The following RFX2 variants were observed in gnomAD, a reference collection of about 807,000 sequenced individuals.
The protein encoded by RFX2 is regulatory factor X2, also known as DNA-binding protein RFX2.
In RFX2, 20 loss-of-function variants were observed where a neutral mutation model predicts 87.8. The ratio of observed to expected loss-of-function variants is 0.23; its 90% confidence interval spans 0.16 to 0.33. The LOEUF is 0.33. Among genes scored for constraint, RFX2 ranks in the 10% least tolerant of loss-of-function variants. The pLI is 1.00. For synonymous variants in RFX2, 397 were observed against 431.3 expected (o/e 0.92, Z 0.98); for missense variants, 767 against 1,012.3 (o/e 0.76, Z 3.29).
chr19:5,997,040 C>T lies in RFX2; in HGVS notation c.2013+20G>A. On this transcript the variant is annotated intron_variant, in intron 16 of 17. Transcript: ENST00000303657. The surrounding 1 kb of genome is among the most constrained non-coding windows in gnomAD (Gnocchi z 4.2). ...CAGGCCCGGCCAAGCCCCGGCCGTCCCACCCAGGAGGGTCCTCACCTCTCC... is the reference window on the plus strand; with the variant it reads ...CAGGCCCGGCCAAGCCCCGGCCGTCTCACCCAGGAGGGTCCTCACCTCTCC... 1.3e-6 allele frequency: 2 copies of T among 1,599,048 alleles called. No homozygotes were observed. Among genetic ancestry groups the T allele is most frequent in the Non-Finnish European group, 1.7e-6 (2 of 1,174,430 alleles).
At chr19:6,032,533 G>C (rs1025280151) in intron 5 of RFX2, among the ~76,000 whole-genome samples, 8 of 152,226 alleles carry the variant, frequency 5.3e-5, no homozygotes, top group African/African-American at 1.9e-4. Flanking sequence ...AAAGCCCAAC[G>C]CTGTGGTCCA....
At chr19:6,048,905 C>G (rs1487457863) in intron 1 of RFX2, among the ~76,000 whole-genome samples, 1 of 146,388 alleles carries the variant, frequency 6.8e-6, no homozygotes, top group Non-Finnish European at 1.5e-5. Context: ...CAAACGCCTT[C>G]GATGCCACCC....
intron 1 of RFX2, among the ~76,000 whole-genome samples, chr19:6,105,505 G>T (rs2088203005): frequency 6.6e-6 from 1 of 152,118 alleles, no homozygotes; most frequent in Non-Finnish European, 1.5e-5. Context: ...GGTGACTTTG[G>T]CTTTTGCTGC....
rs1186676184 is a variant in RFX2, at chr19:6,007,297, T to C, written c.1248-131A>G. On this transcript the variant is annotated intron_variant, in intron 11 of 17. Coordinates refer to ENST00000303657, the MANE Select transcript of RFX2 (RefSeq NM_000635.4). The surrounding 1 kb of genome is among the most constrained non-coding windows in gnomAD (Gnocchi z 8.2). ...GGGCTGGGGTTTTGCTCCCCATCCC[T>C]GAGCCTCGATGGGTCCCCTCCCTCC... 2.3e-5 allele frequency: 20 copies of C among 854,758 alleles called. No homozygotes were observed. The highest frequency in any genetic ancestry group is 2.2e-4 in the African/African-American group (13 of 58,830). The allele number at this position is 854,758 out of a possible 1,614,324, so 52.9% of individuals were successfully genotyped here. A position where few individuals can be genotyped will look rare whatever the true frequency, so the allele number is the denominator to read the frequency against.
intron 1 of RFX2, chr19:6,073,598 AAAAAT>A: frequency 3.2e-6 from 1 of 311,392 alleles, no homozygotes; most frequent in Non-Finnish European, 5.9e-6. Flanking sequence ...TATAAAAACA[AAAAAT>A]AAATATTTGA....
rs564495547 is a variant in RFX2 at position 6,070,318 on chromosome 19, C to T, written c.-8-22814G>A. ...AGGGCTAGGTGCATGGATATGCATC[C>T]ACCAGTACAGGAGAGAAGACAGAGT... is the stretch of plus-strand genomic sequence containing the variant. On this transcript the variant is annotated intron_variant, in intron 1 of 17. Transcript: ENST00000303657. Among the ~76,000 whole-genome samples the T allele has an allele frequency of 1.7e-4, 24 of 139,702 alleles. No individual in the cohort carries two copies. In the South Asian group the frequency reaches 5.2e-3, roughly 30 times the overall value. 91.6% of individuals were successfully genotyped at this position (139,702 alleles called of 152,430 possible).
chr19:6,022,712 G>A lies in RFX2; in HGVS notation c.597+3451C>T, dbSNP rs1262513463. On this transcript the variant is annotated intron_variant, in intron 6 of 17. Coordinates refer to ENST00000303657, the MANE Select transcript of RFX2 (RefSeq NM_000635.4). The surrounding 1 kb of genome is among the most constrained non-coding windows in gnomAD (Gnocchi z 6.2). Reference sequence around the variant, plus strand: ...CCCTTTTCCAGTTTGGACACTGCTAGGGGGCCTCCTCCTCCCTGGGAGTTT... The same window carrying A: ...CCCTTTTCCAGTTTGGACACTGCTAAGGGGCCTCCTCCTCCCTGGGAGTTT... Among the ~76,000 whole-genome samples the A allele has an allele frequency of 2.6e-5, 4 of 152,216 alleles. No homozygotes were observed. Among genetic ancestry groups the A allele is most frequent in the Admixed American group, 2.6e-4 (4 of 15,292 alleles).
chr19:6,025,366 G>A (rs973733147), intron 6 of RFX2, among the ~76,000 whole-genome samples: 8 of 152,082 alleles, frequency 5.3e-5, no homozygotes, highest in Non-Finnish European at 1.0e-4. Flanking sequence ...AATCCTAGAC[G>A]CTAAAATCTG....
At position 6,043,831 on chromosome 19, in the gene RFX2, C is replaced by T. The variant is rs149578772; in HGVS notation, c.180+362G>A. Among the ~76,000 whole-genome samples, 27 of 152,262 alleles carry T rather than the reference C, an allele frequency of 1.8e-4. No homozygotes were observed. In the East Asian group the frequency reaches 4.8e-3, roughly 27 times the overall value. On this transcript the variant is annotated intron_variant, in intron 3 of 17. Coordinates refer to ENST00000303657, the MANE Select transcript of RFX2 (RefSeq NM_000635.4). ...TAAGAAGCATTTCCTCTGTTGTGCC[C>T]GCATCTGAGGGTATGGCACTCACTA...
chr19:6,053,001 A>C (rs535389429), intron 1 of RFX2, among the ~76,000 whole-genome samples: 26 of 152,276 alleles, frequency 1.7e-4, no homozygotes, highest in Non-Finnish European at 3.7e-4. Flanking sequence ...GAAAGATTTA[A>C]GAACGTTTTC....
Position 6,004,181 on chromosome 19 carries a change from A to G in RFX2, c.1500+20T>C, listed in dbSNP as rs766194490. Reference sequence around the variant, plus strand: ...CCTCCCAGCCATCGTTGGGGAGCCCAGGCCCCACCCCGGACGCACCTTGGT... The same window carrying G: ...CCTCCCAGCCATCGTTGGGGAGCCCGGGCCCCACCCCGGACGCACCTTGGT... On this transcript the variant is annotated intron_variant, in intron 13 of 17. Transcript: ENST00000303657. The surrounding 1 kb of genome is among the most constrained non-coding windows in gnomAD (Gnocchi z 4.8). The G allele has an allele frequency of 6.3e-7, 1 of 1,594,722 alleles. No individual in the cohort carries two copies. Among genetic ancestry groups the G allele is most frequent in the Non-Finnish European group, 8.6e-7 (1 of 1,162,304 alleles).
rs944424361 is a variant in RFX2 at position 6,017,702 on chromosome 19, C to G, written c.598-1431G>C. Among the ~76,000 whole-genome samples the G allele has an allele frequency of 6.6e-6, 1 of 152,120 alleles. No homozygotes were observed. The highest frequency in any genetic ancestry group is 1.5e-5 in the Non-Finnish European group (1 of 68,020). On this transcript the variant is annotated intron_variant, in intron 6 of 17. Coordinates refer to ENST00000303657, the MANE Select transcript of RFX2 (RefSeq NM_000635.4). This position sits in a 1 kb window ranked among gnomAD's most constrained non-coding sequence, Gnocchi z 4.1. ...TCCGAAGGGCTCCTGCTGCCTGGGC[C>G]CTTCAGAGTGGGCAGTGCTGGGTCC...
At chr19:5,996,443 G>A (rs908251034) in intron 16 of RFX2, among the ~76,000 whole-genome samples, 1 of 152,164 alleles carries the variant, frequency 6.6e-6, no homozygotes, top group Non-Finnish European at 1.5e-5. Context: ...CGTGACAGAC[G>A]CCGGACACAA....
Position 6,007,096 on chromosome 19 carries a change from G to T in RFX2, c.1318C>A (p.Leu440Ile). ...TGGTCGCAGCTCCTCATCCACCTGA[G>T]GATGGGGTCGCACTGACACAGGGAG... The part of the protein sequence containing the change: ...LISLCQCDPI[L>I]RWMRSCDHIL... The change falls in exon 12 of 18, where the codon CTC (leucine) becomes ATC (isoleucine). Residue 440 changes from leucine (L) to isoleucine (I), a missense_variant. By Grantham distance (5) the Leu-to-Ile change is conservative (BLOSUM62 2). This residue lies in a region of RFX2 where 621 missense variants were observed against 873.0 expected (regional missense o/e 0.71). Transcript: ENST00000303657. This position sits in a 1 kb window ranked among gnomAD's most constrained non-coding sequence, Gnocchi z 8.2. 1 of 1,614,164 alleles carries T rather than the reference G, an allele frequency of 6.2e-7. No individual in the cohort carries two copies.
chr19:6,010,262 A>T lies in RFX2; in HGVS notation c.900-11T>A, dbSNP rs1420240922. The T allele has an allele frequency of 1.3e-6, 2 of 1,527,664 alleles. No homozygotes were observed. The highest frequency in any genetic ancestry group is 1.8e-6 in the Non-Finnish European group (2 of 1,130,214). The allele number at this position is 1,527,664 out of a possible 1,614,324, so 94.6% of individuals were successfully genotyped here. On this transcript the variant is annotated splice_polypyrimidine_tract_variant and intron_variant, in intron 8 of 17. Coordinates refer to ENST00000303657, the MANE Select transcript of RFX2 (RefSeq NM_000635.4). This position sits in a 1 kb window ranked among gnomAD's most constrained non-coding sequence, Gnocchi z 5.0. ...TGGGCTGGCCGGTACCTAGGCCAGG[A>T]ACACGCATACCATCATGAGGCCCAG...
rs1038822346 is a variant in RFX2, at chr19:6,064,863, A to C, written c.-8-17359T>G. On this transcript the variant is annotated intron_variant, in intron 1 of 17. Coordinates refer to ENST00000303657, the MANE Select transcript of RFX2 (RefSeq NM_000635.4). The surrounding 1 kb of genome is among the most constrained non-coding windows in gnomAD (Gnocchi z 4.8). Reference sequence around the variant, plus strand: ...TCTGGAATTTAAGAAGCGGAGAAAGAGCCTAGTTCAAATTCAAGAATTTCC... The same window carrying C: ...TCTGGAATTTAAGAAGCGGAGAAAGCGCCTAGTTCAAATTCAAGAATTTCC... Among the ~76,000 whole-genome samples, 3 of 152,316 alleles carry C rather than the reference A, an allele frequency of 2.0e-5. No homozygotes were observed. In the South Asian group the frequency reaches 6.2e-4, roughly 32 times the overall value.
In RFX2 at chr19:6,107,474, G is replaced by A. The variant is rs925209799; in HGVS notation, c.-9+2919C>T. On this transcript the variant is annotated intron_variant, in intron 1 of 17. Coordinates refer to ENST00000303657, the MANE Select transcript of RFX2 (RefSeq NM_000635.4). Reference sequence around the variant, plus strand: ...CCTACTAAAAATACAAAAATTAGCCGGGTGTGGGGGTGCATGCCTGTAATC... The same window carrying A: ...CCTACTAAAAATACAAAAATTAGCCAGGTGTGGGGGTGCATGCCTGTAATC... Among the ~76,000 whole-genome samples the A allele has an allele frequency of 2.0e-5, 3 of 151,656 alleles. No individual in the cohort carries two copies. The South Asian group carries it at 6.2e-4, about 32-fold the overall frequency.
At chr19:6,043,287 G>A (rs1328653106) in intron 3 of RFX2, among the ~76,000 whole-genome samples, 1 of 152,220 alleles carries the variant, frequency 6.6e-6, no homozygotes, top group Middle Eastern at 3.2e-3. Flanking sequence ...CTGAGGCCCT[G>A]CGTCCCCGCT....
Position 6,007,644 on chromosome 19 carries a change from G to C in RFX2, c.1247+46C>G. 8.4e-7 allele frequency: 1 copy of C among 1,183,976 alleles called. No homozygotes were observed. The highest frequency in any genetic ancestry group is 1.2e-6 in the Non-Finnish European group (1 of 812,204). 73.3% of individuals were successfully genotyped at this position (1,183,976 alleles called of 1,614,324 possible). Reference sequence around the variant, plus strand: ...GGTTACCTGTGGACGTCAGCAGGGGGTTAAGTCTGGGGTGGCTGTGAACCC... The same window carrying C: ...GGTTACCTGTGGACGTCAGCAGGGGCTTAAGTCTGGGGTGGCTGTGAACCC... On this transcript the variant is annotated intron_variant, in intron 11 of 17. Coordinates refer to ENST00000303657, the MANE Select transcript of RFX2 (RefSeq NM_000635.4). The surrounding 1 kb of genome is among the most constrained non-coding windows in gnomAD (Gnocchi z 8.2).
Sources: gnomAD v4.1 joint callset for allele counts (sites outside exome capture counted in the v4.1 genomes callset) on GRCh38, gnomAD v4.1.1 for gene constraint, gnomAD v4.1.1 regional missense constraint, Gnocchi (gnomAD v3.1) non-coding constraint, MANE v1.5 for transcripts, NCBI Gene and HGNC (gene_info 2026-07-23, HGNC 2026-07-21) for gene names.